Variants in HIVEP3 observed in about 807,000 individuals in gnomAD.
HIVEP3 encodes transcription factor HIVEP3.
A neutral mutation model predicts 152.8 loss-of-function variants in HIVEP3; 49 were observed. The observed-to-expected ratio is 0.32, with a 90% CI of 0.26 to 0.41. The LOEUF is 0.41. Ranked by LOEUF, HIVEP3 falls within the 10% of genes least tolerant of loss-of-function variation. HIVEP3 has a pLI of 1.00. For missense variants in HIVEP3, 2,790 were observed against 3,103.3 expected (o/e 0.90, Z 2.40); for synonymous variants, 1,269 against 1,289.0 (o/e 0.98, Z 0.33).
At chr1:41,731,710 G>GAA (rs1233292111) in intron 1 of HIVEP3, among the ~76,000 whole-genome samples, 5 of 152,278 alleles carry the variant, frequency 3.3e-5, no homozygotes, top group Middle Eastern at 3.4e-3. Context: ...GCCTGTGAGG[G>GAA]AGCCATCTGG....
At chr1:41,755,763 C>G (rs1647280300) in intron 1 of HIVEP3, among the ~76,000 whole-genome samples, 1 of 152,082 alleles carries the variant, frequency 6.6e-6, no homozygotes, top group Admixed American at 6.5e-5. Flanking sequence ...CAAATTAAAA[C>G]TACAATAAAA....
chr1:41,532,929 A>C (rs1187988575), intron 5 of HIVEP3, among the ~76,000 whole-genome samples: 1 of 152,194 alleles, frequency 6.6e-6, no homozygotes, highest in Non-Finnish European at 1.5e-5. Context: ...AAGGGTGGGC[A>C]GAACAAATGG....
intron 1 of HIVEP3, among the ~76,000 whole-genome samples, chr1:41,729,039 G>A (rs1646799856): frequency 6.6e-6 from 1 of 152,206 alleles, no homozygotes; most frequent in African/African-American, 2.4e-5. Flanking sequence ...ATGGACTAGG[G>A]GTTACCCAGG....
chr1:41,652,707 C>A (rs959923516), intron 2 of HIVEP3, among the ~76,000 whole-genome samples: 2 of 152,168 alleles, frequency 1.3e-5, no homozygotes, highest in Admixed American at 1.3e-4. Context: ...GCACACTGAC[C>A]AATAAAGAAG....
intron 1 of HIVEP3, among the ~76,000 whole-genome samples, chr1:41,964,663 C>T (rs1006893963): frequency 3.3e-5 from 5 of 152,198 alleles, no homozygotes; most frequent in Admixed American, 6.5e-5. Context: ...CAGATCATGG[C>T]CAGACTGCTT....
chr1:41,963,710 T>C lies in HIVEP3; in HGVS notation n.120-45186A>G, dbSNP rs1235958011. On this transcript the variant is annotated intron_variant and non_coding_transcript_variant, in intron 1 of 3. Transcript: ENST00000489103. ...TCACTCCAAGCTGATAACCACTTCA[T>C]TGGTGGAACCTAGCCTTAAAGGGCC... Among the ~76,000 whole-genome samples the C allele has an allele frequency of 3.3e-5, 5 of 151,972 alleles. 1 individual carries two copies. The South Asian group carries it at 6.2e-4, about 19-fold the overall frequency.
At chr1:41,767,586 G>A (rs1031134042) in intron 1 of HIVEP3, among the ~76,000 whole-genome samples, 2 of 152,200 alleles carry the variant, frequency 1.3e-5, no homozygotes, top group Non-Finnish European at 2.9e-5. Context: ...ACCTGGCTCT[G>A]TATCAGGACT....
At chr1:41,551,855 AAG>A (rs1413101577) in intron 5 of HIVEP3, among the ~76,000 whole-genome samples, 3 of 151,954 alleles carry the variant, frequency 2.0e-5, no homozygotes, top group African/African-American at 7.3e-5. Context: ...ATTTTTTCTG[AAG>A]AGTTTTTGTG....
intron 1 of HIVEP3, among the ~76,000 whole-genome samples, chr1:41,776,067 C>T (rs1313916360): frequency 6.6e-6 from 1 of 152,192 alleles, no homozygotes; most frequent in Non-Finnish European, 1.5e-5. Flanking sequence ...TTTCCTGCAG[C>T]TGAAATAACA....
intron 3 of HIVEP3, among the ~76,000 whole-genome samples, chr1:41,586,557 C>T (rs908236073): frequency 3.5e-5 from 5 of 141,618 alleles, no homozygotes; most frequent in Non-Finnish European, 6.5e-5. Context: ...CATGCCCTAC[C>T]CCCGGCATCC....
intron 5 of HIVEP3, among the ~76,000 whole-genome samples, chr1:41,554,327 T>G (rs1324336706): frequency 6.6e-6 from 1 of 152,266 alleles, no homozygotes; most frequent in Non-Finnish European, 1.5e-5. Flanking sequence ...GCCATGGTTT[T>G]CAGCTCCAAC....
chr1:41,849,639 T>C (rs761983124), intron 1 of HIVEP3, among the ~76,000 whole-genome samples: 5 of 152,104 alleles, frequency 3.3e-5, no homozygotes, highest in Non-Finnish European at 5.9e-5. Context: ...ATGCAACTAC[T>C]TGCTGTGACC....
At chr1:41,691,292 C>A (rs903753789) in intron 2 of HIVEP3, among the ~76,000 whole-genome samples, 2 of 152,066 alleles carry the variant, frequency 1.3e-5, no homozygotes, top group Non-Finnish European at 2.9e-5. Context: ...ATCATATGTA[C>A]CTACTGTAAA....
chr1:41,760,880 G>C (rs1317812594), intron 1 of HIVEP3, among the ~76,000 whole-genome samples: 2 of 152,152 alleles, frequency 1.3e-5, no homozygotes, highest in African/African-American at 4.8e-5. Flanking sequence ...AGTGGTGATG[G>C]GTAGGCATGG....
chr1:41,618,322 A>G (rs760237567), intron 3 of HIVEP3, among the ~76,000 whole-genome samples: 21 of 152,230 alleles, frequency 1.4e-4, no homozygotes, highest in Non-Finnish European at 2.6e-4. Context: ...CCAGGCCAGG[A>G]GCCAAGCCTT....
intron 3 of HIVEP3, among the ~76,000 whole-genome samples, chr1:41,587,677 G>A (rs895980176): frequency 2.0e-5 from 3 of 152,208 alleles, no homozygotes; most frequent in African/African-American, 7.2e-5. Context: ...GAGACTGACT[G>A]TCTAGTCCAT....
chr1:42,009,171 G>C (rs540384848), intron 1 of HIVEP3, among the ~76,000 whole-genome samples: 1 of 152,196 alleles, frequency 6.6e-6, no homozygotes, highest in Non-Finnish European at 1.5e-5. Context: ...AGAATTATTA[G>C]TTTACTTTCC....
chr1:41,805,308 G>T (rs1302700264), intron 1 of HIVEP3, among the ~76,000 whole-genome samples: 1 of 152,222 alleles, frequency 6.6e-6, no homozygotes, highest in Non-Finnish European at 1.5e-5. Flanking sequence ...CTGCATTCTA[G>T]CCTAGGCAAC....
chr1:41,765,882 CT>C (rs1380410371), intron 1 of HIVEP3, among the ~76,000 whole-genome samples: 1 of 152,200 alleles, frequency 6.6e-6, no homozygotes, highest in Admixed American at 6.5e-5. Flanking sequence ...TGTGGCCTCT[CT>C]TTGCGGGGAG....
Sources: allele counts gnomAD v4.1 joint callset (sites outside exome capture counted in the v4.1 genomes callset), GRCh38; gene constraint gnomAD v4.1.1; transcripts MANE v1.5; gene names NCBI Gene and HGNC (gene_info 2026-07-23, HGNC 2026-07-21).